The following CCDC144A variants were observed in gnomAD, a reference collection of about 807,000 sequenced individuals.
The protein encoded by CCDC144A is coiled-coil domain containing 144A.
A neutral mutation model predicts 143.8 loss-of-function variants in CCDC144A; 41 were observed. That is an observed-to-expected ratio of 0.29 (90% CI 0.22 to 0.37). The LOEUF is 0.37. CCDC144A is among the 10% of genes least tolerant of loss of function. CCDC144A has a pLI of 1.00. For synonymous variants in CCDC144A, 242 were observed against 517.9 expected, an observed-to-expected ratio of 0.47 and a Z score of 7.23; for missense variants, 637 against 1,488.8, an observed-to-expected ratio of 0.43 and a Z score of 9.41.
rs1026041990 is a variant in CCDC144A, at chr17:16,776,961, A to T, written c.*3328A>T. On this transcript the variant is annotated 3_prime_UTR_variant, in exon 17 of 17. Coordinates refer to ENST00000399273, the MANE Select transcript of CCDC144A (RefSeq NM_001382000.1). ...ACCAAGTTGCTGCTGTCTTCAGGAG[A>T]CTCACCTAACACATACGGACTCACA... 1.4e-5 allele frequency: 2 copies of T among 140,844 alleles called. No individual in the cohort carries two copies. The highest frequency in any genetic ancestry group is 3.1e-5 in the Non-Finnish European group (2 of 65,344). The allele number at this position is 140,844 out of a possible 1,614,324, so 8.7% of individuals were successfully genotyped here.
chr17:16,691,652 C>A (rs139910500), intron 1 of CCDC144A: 5,390 of 152,208 alleles, frequency 0.035, 130 homozygotes, highest in Middle Eastern at 0.099. Flanking sequence ...GTAGTCCCAG[C>A]TACTCAGGAG....
upstream of CCDC144A, chr17:16,690,221 A>C (rs1251929928): frequency 1.1e-5 from 5 of 461,102 alleles, no homozygotes; most frequent in Non-Finnish European, 1.9e-5. Context: ...TCTGTAACGG[A>C]TTGGCTTGGC....
the CCDC144A span, among the ~76,000 whole-genome samples, chr17:16,669,243 G>C: frequency 2.6e-5 from 4 of 152,198 alleles, no homozygotes; most frequent in Non-Finnish European, 2.9e-5. Flanking sequence ...ATTCAAACAT[G>C]TTTAATAAGT....
intron 12 of CCDC144A, among the ~76,000 whole-genome samples, chr17:16,738,984 A>G (rs1487688057): frequency 7.0e-6 from 1 of 142,480 alleles, no homozygotes; most frequent in Admixed American, 6.9e-5. Flanking sequence ...AAGAATTCCA[A>G]CCTAGAGGTA....
chr17:16,702,296 C>CA (rs1911780086), intron 2 of CCDC144A, among the ~76,000 whole-genome samples: 1 of 152,172 alleles, frequency 6.6e-6, no homozygotes, highest in Non-Finnish European at 1.5e-5. Flanking sequence ...CGGTGTGGCT[C>CA]AGAGTGAATA....
intron 1 of CCDC144A, 30 bp downstream of exon 1, chr17:16,690,774 T>C: frequency 6.4e-7 from 1 of 1,556,638 alleles, no homozygotes; most frequent in Non-Finnish European, 8.7e-7. Flanking sequence ...TGCGCCGTCC[T>C]GTCGGGGACA....
At chr17:16,717,846 A>T (rs1438716795) in intron 6 of CCDC144A, among the ~76,000 whole-genome samples, 2 of 152,130 alleles carry the variant, frequency 1.3e-5, no homozygotes, top group African/African-American at 4.8e-5. Flanking sequence ...AGATTTTTTA[A>T]AGTTGTGGTT....
chr17:16,757,833 G>T (rs1446632944), intron 12 of CCDC144A, among the ~76,000 whole-genome samples: 1 of 152,198 alleles, frequency 6.6e-6, no homozygotes, highest in Non-Finnish European at 1.5e-5. Flanking sequence ...TCCCTGGTGG[G>T]CTATTAGATG....
intron 2 of CCDC144A, among the ~76,000 whole-genome samples, chr17:16,703,996 G>GCCCCT (rs1025126222): frequency 6.6e-6 from 1 of 152,146 alleles, no homozygotes; most frequent in African/African-American, 2.4e-5. Flanking sequence ...TGACGTCTTG[G>GCCCCT]CCCCTCATCT....
chr17:16,768,012 A>G (rs1406343872), intron 15 of CCDC144A, among the ~76,000 whole-genome samples: 1 of 152,292 alleles, frequency 6.6e-6, no homozygotes, highest in Admixed American at 6.5e-5. Flanking sequence ...TTACCACACC[A>G]ATTCAAAATT....
Position 16,776,399 on chromosome 17 carries a change from C to T in CCDC144A, c.*2766C>T, listed in dbSNP as rs1177656999. 4.6e-5 allele frequency: 7 copies of T among 152,098 alleles called. No homozygotes were observed. Among genetic ancestry groups the T allele is most frequent in the Non-Finnish European group, 8.8e-5 (6 of 68,030 alleles). 9.4% of individuals were successfully genotyped at this position (152,098 alleles called of 1,614,324 possible). ...CTTTGAATAATGGTTTATAGTTATC[C>T]TTGAAAAGGTCCTTCACTTTTCTTG... On this transcript the variant is annotated 3_prime_UTR_variant, in exon 17 of 17. Coordinates refer to ENST00000399273, the MANE Select transcript of CCDC144A (RefSeq NM_001382000.1).
intron 12 of CCDC144A, among the ~76,000 whole-genome samples, chr17:16,741,540 T>C (rs1230640411): frequency 6.6e-6 from 1 of 152,246 alleles, no homozygotes; most frequent in Non-Finnish European, 1.5e-5. Flanking sequence ...TAACACTTTC[T>C]GTTCATTAGA....
upstream of CCDC144A, among the ~76,000 whole-genome samples, chr17:16,689,328 T>C (rs1348217829): frequency 6.6e-6 from 1 of 152,172 alleles, no homozygotes; most frequent in Admixed American, 6.5e-5. Context: ...CTGGAGTAGC[T>C]GGGACTACAG....
upstream of CCDC144A, among the ~76,000 whole-genome samples, chr17:16,686,524 G>C (rs1332869784): frequency 6.6e-6 from 1 of 152,008 alleles, no homozygotes; most frequent in South Asian, 2.1e-4. Flanking sequence ...TACACATGGT[G>C]GTCAGGTATG....
intron 12 of CCDC144A, among the ~76,000 whole-genome samples, chr17:16,747,433 T>C (rs1049482492): frequency 6.6e-6 from 1 of 152,212 alleles, no homozygotes; most frequent in African/African-American, 2.4e-5. Flanking sequence ...TTTAGAATAG[T>C]TTTTTCTAAT....
chr17:16,690,964 T>C (rs1425298355), intron 1 of CCDC144A, among the ~76,000 whole-genome samples: 1 of 152,232 alleles, frequency 6.6e-6, no homozygotes, highest in Admixed American at 6.5e-5. Flanking sequence ...ACTGTGTTTA[T>C]CCATTTTCTC....
chr17:16,737,162 CT>C (rs757856458), intron 12 of CCDC144A, among the ~76,000 whole-genome samples: 2,251 of 102,580 alleles, frequency 0.022, 9 homozygotes, highest in African/African-American at 0.046. Context: ...AGAGTTAAAT[CT>C]TTTTTTTTTT....
At chr17:16,769,973 G>A (rs1452021629) in intron 15 of CCDC144A, among the ~76,000 whole-genome samples, 1 of 150,584 alleles carries the variant, frequency 6.6e-6, no homozygotes, top group Non-Finnish European at 1.5e-5. Context: ...GACTACAGGT[G>A]CACACCACCA....
rs143021188 is a variant in CCDC144A, at chr17:16,709,789, T to A, written c.1578+154T>A. 7.9e-3 allele frequency among the ~76,000 whole-genome samples: 1,208 copies of A among 152,254 alleles called. 17 individuals are homozygous for A. Among genetic ancestry groups the A allele is most frequent in the African/African-American group, 0.028 (1,180 of 41,522 alleles). On this transcript the variant is annotated intron_variant, in intron 5 of 16. Coordinates refer to ENST00000399273, the MANE Select transcript of CCDC144A (RefSeq NM_001382000.1). ...ACAGATGATTTCTAAGTAATAGGAG[T>A]TTAGGAAAACTTTCTCATAATCTTC...
Sources: allele counts gnomAD v4.1 joint callset (sites outside exome capture counted in the v4.1 genomes callset), GRCh38; gene constraint gnomAD v4.1.1; transcripts MANE v1.5; gene names NCBI Gene and HGNC (gene_info 2026-07-23, HGNC 2026-07-21).